Variants in LBX2 observed in about 807,000 individuals in gnomAD.
The protein encoded by LBX2 is ladybird homeobox 2.
A neutral mutation model predicts 7.5 loss-of-function variants in LBX2; 6 were observed. The observed-to-expected ratio is 0.80, with a 90% CI of 0.44 to 1.59. The LOEUF is 1.59. Ranked by LOEUF, LBX2 falls within the 40% of genes most tolerant of loss-of-function variation. LBX2 has a pLI of 0.01. For missense variants in LBX2, 281 were observed against 282.0 expected (o/e 1.00, Z 0.03); for synonymous variants, 143 against 133.2 (o/e 1.07, Z -0.51).
Position 74,499,443 on chromosome 2 carries a change from G to A in LBX2, c.95C>T (p.Pro32Leu), listed in dbSNP as rs1217126803. ...PRMVPRAPSA[P>L]QLPESGPGPT... Reference sequence around the variant, plus strand: ...ACCCGGACCCGACTCTGGAAGCTGCGGCGCAGAGGGTGCTCGGGGGACCAT... The same window carrying A: ...ACCCGGACCCGACTCTGGAAGCTGCAGCGCAGAGGGTGCTCGGGGGACCAT... Residue 32 changes from proline to leucine, a missense_variant, in exon 1 of 2, where the codon CCG becomes CTG. This residue lies in a region of LBX2 where 216 missense variants were observed against 208.7 expected (regional missense o/e 1.03). Coordinates refer to ENST00000377566, the MANE Select transcript of LBX2 (RefSeq NM_001282430.2). The surrounding 1 kb of genome is among the most constrained non-coding windows in gnomAD (Gnocchi z 4.6). 2 of 1,550,606 alleles carry A rather than the reference G, an allele frequency of 1.3e-6. No individual in the cohort carries two copies. The highest frequency in any genetic ancestry group is 1.7e-6 in the Non-Finnish European group (2 of 1,146,996).
chr2:74,499,385 C>A lies in LBX2; in HGVS notation c.153G>T (p.Leu51=). The change falls in exon 1 of 2, where the codon CTG becomes CTT. Residue 51 remains leucine (L), a synonymous_variant. Coordinates refer to ENST00000377566, the MANE Select transcript of LBX2 (RefSeq NM_001282430.2). This position sits in a 1 kb window ranked among gnomAD's most constrained non-coding sequence, Gnocchi z 4.6. ...PTSPLCALEE[L]TSKTFRGLDA... is the part of the protein sequence containing the mutation. ...CAAGTCCGCGGAAAGTTTTACTAGT[C>A]AGCTCCTCCAGCGCGCACAGCGGCG... 1 of 1,550,652 alleles carries A rather than the reference C, an allele frequency of 6.4e-7. No homozygotes were observed. The highest frequency in any genetic ancestry group is 8.7e-7 in the Non-Finnish European group (1 of 1,147,008).
In LBX2 at chr2:74,499,161, C is replaced by T. The variant is rs954443312; in HGVS notation, c.205+172G>A. 1.5e-6 allele frequency: 1 copy of T among 645,218 alleles called. No homozygotes were observed. The highest frequency in any genetic ancestry group is 2.7e-6 in the Non-Finnish European group (1 of 372,090). The allele number at this position is 645,218 out of a possible 1,614,324, so 40.0% of individuals were successfully genotyped here. A position where few individuals can be genotyped will look rare whatever the true frequency, so the allele number is the denominator to read the frequency against. The stretch of plus-strand genomic sequence containing the variant: ...CCGGAGCCGCCGCGGAACCTAGGGA[C>T]TAACGGAGGAGAGGTGAGAAGTCGC... On this transcript the variant is annotated intron_variant, in intron 1 of 1. Coordinates refer to ENST00000377566, the MANE Select transcript of LBX2 (RefSeq NM_001282430.2). The surrounding 1 kb of genome is among the most constrained non-coding windows in gnomAD (Gnocchi z 4.6).
In LBX2 at chr2:74,498,039, A is replaced by G. The variant is rs766192039; in HGVS notation, c.485T>C (p.Leu162Pro). The G allele has an allele frequency of 1.2e-6, 2 of 1,613,662 alleles. No individual in the cohort carries two copies. The highest frequency in any genetic ancestry group is 3.3e-4 in the Middle Eastern group (2 of 6,060). ...ASLRALSPEV[L>P]CSLALPEGAP... ...GCCTTCGGGCAGTGCTAAGCTGCAC[A>G]GGACTTCCGGGGACAACGCGCGTAG... is the stretch of plus-strand genomic sequence containing the variant. The change falls in exon 2 of 2, where the codon CTG becomes CCG. Residue 162 changes from leucine (L) to proline (P), a missense_variant. Leu to Pro is a moderately conservative substitution (Grantham distance 98). Coordinates refer to ENST00000377566, the MANE Select transcript of LBX2 (RefSeq NM_001282430.2).
rs753054583 is a variant in LBX2, at chr2:74,499,393, C to G, written c.145G>C (p.Glu49Gln). The change falls in exon 1 of 2, where the codon GAG becomes CAG. Residue 49 changes from glutamate (E) to glutamine (Q), a missense_variant. By Grantham distance (29) the Glu-to-Gln change is conservative. This residue lies in a region of LBX2 where 216 missense variants were observed against 208.7 expected (regional missense o/e 1.03). Coordinates refer to ENST00000377566, the MANE Select transcript of LBX2 (RefSeq NM_001282430.2). The surrounding 1 kb of genome is among the most constrained non-coding windows in gnomAD (Gnocchi z 4.6). ...CGGAAAGTTTTACTAGTCAGCTCCT[C>G]CAGCGCGCACAGCGGCGACGTTGGA... ...PGPTSPLCAL[E>Q]ELTSKTFRGL... is the part of the protein sequence containing the mutation. 4 of 1,550,636 alleles carry G rather than the reference C, an allele frequency of 2.6e-6. No homozygotes were observed. The Admixed American group carries it at 5.9e-5, about 23-fold the overall frequency.
In LBX2 at chr2:74,498,258, C is replaced by A; in HGVS notation, c.266G>T (p.Arg89Leu). 1.3e-6 allele frequency: 2 copies of A among 1,596,158 alleles called. No individual in the cohort carries two copies. Among genetic ancestry groups the A allele is most frequent in the African/African-American group, 1.3e-5 (1 of 74,948 alleles). The change falls in exon 2 of 2, where the codon CGC becomes CTC. Residue 89 changes from arginine to leucine, a missense_variant. Transcript: ENST00000377566. ...CACCTGTTGCGCGGTGAACGCAGTG[C>A]GTGACTTGCGCCGTTTGCGGCCGAA... ...GPFGRKRRKS[R>L]TAFTAQQVLE...
At chr2:74,498,601 GTCAAACC>G in intron 1 of LBX2, 1 of 480,484 alleles carries the variant, frequency 2.1e-6, no homozygotes, top group Non-Finnish European at 3.7e-6. Flanking sequence ...GAGGTGCAGG[GTCAAACC>G]TTCTGGGGTG....
In LBX2 at chr2:74,498,263, CTT is replaced by C; in HGVS notation, c.259_260del (p.Lys87ValfsTer97). The C allele has an allele frequency of 6.3e-7, 1 of 1,593,012 alleles. No individual in the cohort carries two copies. The highest frequency in any genetic ancestry group is 8.5e-7 in the Non-Finnish European group (1 of 1,172,848). On this transcript the variant is annotated frameshift_variant, in exon 2 of 2. Coordinates refer to ENST00000377566, the MANE Select transcript of LBX2 (RefSeq NM_001282430.2). LOFTEE classifies it low-confidence loss of function (END_TRUNC). ...GTTGCGCGGTGAACGCAGTGCGTGACTTGCGCCGTTTGCGGCCGAAGGGACCA... is the reference window on the plus strand; with the variant it reads ...GTTGCGCGGTGAACGCAGTGCGTGACGCGCCGTTTGCGGCCGAAGGGACCA... The part of the protein sequence containing the change: ...GPGPFGRKRR[K>X]SRTAFTAQQV...
rs1674394970 is a variant in LBX2, at chr2:74,498,026, T to C, written c.498A>G (p.Ala166=). The C allele has an allele frequency of 1.2e-6, 2 of 1,613,380 alleles. No individual in the cohort carries two copies. The highest frequency in any genetic ancestry group is 8.5e-7 in the Non-Finnish European group (1 of 1,179,720). The part of the protein sequence containing the change: ...ALSPEVLCSL[A]LPEGAPDPGL... The stretch of plus-strand genomic sequence containing the variant: ...CGGGATCTGGAGCGCCTTCGGGCAG[T>C]GCTAAGCTGCACAGGACTTCCGGGG... The change falls in exon 2 of 2, where the codon GCA becomes GCG. Residue 166 remains alanine, a synonymous_variant. Transcript: ENST00000377566.
upstream of LBX2, chr2:74,502,628 C>T (rs375646244): frequency 6.3e-7 from 1 of 1,593,506 alleles, no homozygotes; most frequent in Non-Finnish European, 8.6e-7. The surrounding 1 kb of genome is among the most constrained non-coding windows in gnomAD (Gnocchi z 5.4). Context: ...GAAAGCGCTA[C>T]TGCGGAGTGA....
chr2:74,502,816 C>T (rs754592395), upstream of LBX2: 5 of 1,613,688 alleles, frequency 3.1e-6, no homozygotes, highest in Non-Finnish European at 4.2e-6. This position sits in a 1 kb window ranked among gnomAD's most constrained non-coding sequence, Gnocchi z 5.4. Context: ...CTTTTCTCCC[C>T]CCAACTCCCC....
At chr2:74,499,843 T>C, upstream of LBX2, 2 of 426,544 alleles carry the variant, frequency 4.7e-6, no homozygotes, top group East Asian at 4.2e-5. The surrounding 1 kb of genome is among the most constrained non-coding windows in gnomAD (Gnocchi z 4.6). Flanking sequence ...CGCTGCACCG[T>C]GCACAGTCAG....
Position 74,497,863 on chromosome 2 carries a change from A to G in LBX2, c.*64T>C, listed in dbSNP as rs1408510549. ...CTTCCTCCACCCTGGAACTCTGGCC[A>G]GAGGCAGAGCGCGAGGTGAGGAGTC... On this transcript the variant is annotated 3_prime_UTR_variant, in exon 2 of 2. Transcript: ENST00000377566. 3.4e-6 allele frequency: 5 copies of G among 1,459,098 alleles called. No homozygotes were observed. The highest frequency in any genetic ancestry group is 2.7e-6 in the Non-Finnish European group (3 of 1,101,882). The allele number at this position is 1,459,098 out of a possible 1,614,324, so 90.4% of individuals were successfully genotyped here.
Position 74,497,932 on chromosome 2 carries a change from C to T in LBX2, c.592G>A (p.Asp198Asn). The change falls in exon 2 of 2, where the codon GAT becomes AAT. Residue 198 changes from aspartate to asparagine, a missense_variant. Around this residue, in one of 3 missense-constraint regions of LBX2, gnomAD observed 59 missense variants for 52.9 expected, o/e 1.11. Transcript: ENST00000377566. ...GATTGGCGGCGGCTTTGTCTTCAAT[C>T]GTCCACCTGTATCTCCTCGTCTGAC... is the stretch of plus-strand genomic sequence containing the variant. ...HLSDEEIQVD[D>N] 6.4e-7 allele frequency: 1 copy of T among 1,559,954 alleles called. No homozygotes were observed. Among genetic ancestry groups the T allele is most frequent in the Non-Finnish European group, 8.7e-7 (1 of 1,150,698 alleles).
At chr2:74,500,001 T>G (rs764452130), upstream of LBX2, among the ~76,000 whole-genome samples, 4 of 152,212 alleles carry the variant, frequency 2.6e-5, no homozygotes, top group Non-Finnish European at 5.9e-5. Flanking sequence ...CAGGGCTGAC[T>G]GTGCTGGGAT....
At chr2:74,499,863 T>G, upstream of LBX2, 1 of 365,346 alleles carries the variant, frequency 2.7e-6, no homozygotes, top group Non-Finnish European at 5.0e-6. This position sits in a 1 kb window ranked among gnomAD's most constrained non-coding sequence, Gnocchi z 4.6. Context: ...GGCCGGGCCA[T>G]ACCTCCAGAC....
chr2:74,502,826 C>G (rs781166330), upstream of LBX2: 5 of 1,613,144 alleles, frequency 3.1e-6, no homozygotes, highest in Admixed American at 8.3e-5. This position sits in a 1 kb window ranked among gnomAD's most constrained non-coding sequence, Gnocchi z 5.4. Context: ...CCCAACTCCC[C>G]AAGACTCACT....
At chr2:74,498,917 G>C (rs1403710097) in intron 1 of LBX2, 1 of 229,252 alleles carries the variant, frequency 4.4e-6, no homozygotes, top group East Asian at 1.1e-4. Flanking sequence ...CTCGAGAAGA[G>C]AGTGGCTTGG....
At position 74,497,835 on chromosome 2, in the gene LBX2, C is replaced by T. The variant is rs1213759346; in HGVS notation, c.*92G>A. The stretch of plus-strand genomic sequence containing the variant: ...TGGGCCGGAAGAGGCCCAAGTGGAC[C>T]TCCTTCCTCCACCCTGGAACTCTGG... On this transcript the variant is annotated 3_prime_UTR_variant, in exon 2 of 2. Coordinates refer to ENST00000377566, the MANE Select transcript of LBX2 (RefSeq NM_001282430.2). The T allele has an allele frequency of 4.4e-6, 6 of 1,371,002 alleles. No homozygotes were observed. The highest frequency in any genetic ancestry group is 1.5e-5 in the South Asian group (1 of 64,872). 84.9% of individuals were successfully genotyped at this position (1,371,002 alleles called of 1,614,324 possible).
In LBX2 at chr2:74,499,580, C is replaced by T; in HGVS notation, c.-43G>A. On this transcript the variant is annotated 5_prime_UTR_variant, in exon 1 of 2. Transcript: ENST00000377566. The surrounding 1 kb of genome is among the most constrained non-coding windows in gnomAD (Gnocchi z 4.6). ...CGGTCCGGCTGTCCGTTGCGCTAGG[C>T]TCCGCAAACGCCTGGGCCCCAGTGC... is the stretch of plus-strand genomic sequence containing the variant. 2 of 1,527,842 alleles carry T rather than the reference C, an allele frequency of 1.3e-6. No individual in the cohort carries two copies. The highest frequency in any genetic ancestry group is 8.8e-7 in the Non-Finnish European group (1 of 1,132,434). The allele number at this position is 1,527,842 out of a possible 1,614,324, so 94.6% of individuals were successfully genotyped here.
Sources: gnomAD v4.1 joint callset for allele counts (sites outside exome capture counted in the v4.1 genomes callset) on GRCh38, gnomAD v4.1.1 for gene constraint, gnomAD v4.1.1 regional missense constraint, Gnocchi (gnomAD v3.1) non-coding constraint, MANE v1.5 for transcripts, NCBI Gene and HGNC (gene_info 2026-07-23, HGNC 2026-07-21) for gene names.